The following HEATR6 variants were observed in gnomAD, a reference collection of about 807,000 sequenced individuals.
The protein encoded by HEATR6 is HEAT repeat-containing protein 6.
In HEATR6, 106 loss-of-function variants were observed where a neutral mutation model predicts 132.8. The ratio of observed to expected loss-of-function variants is 0.80; its 90% CI spans 0.68 to 0.94. The LOEUF is 0.94. Among genes scored for constraint, HEATR6 ranks in the 40% least tolerant of loss-of-function variants. HEATR6 has a pLI of 0.00. For synonymous variants in HEATR6, 529 were observed against 537.8 expected, an observed-to-expected ratio of 0.98 and a Z score of 0.23; for missense variants, 1,339 against 1,425.1, an observed-to-expected ratio of 0.94 and a Z score of 0.97.
chr17:60,067,462 C>T lies in HEATR6; in HGVS notation c.1210G>A (p.Ala404Thr), dbSNP rs1438291277. ...VSSSESDFSD[A>T]EGGMQSKMRS... ...ATTTTACTCTGCATGCCTCCTTCAG[C>T]ATCAGAAAAGTCTGACTCACTACTG... The change falls in exon 8 of 20, where the codon GCT (alanine) becomes ACT (threonine). Residue 404 changes from alanine to threonine, a missense_variant. Physicochemically the swap from Ala to Thr is moderately conservative, Grantham distance 58. Transcript: ENST00000184956. 3 of 1,562,856 alleles carry T rather than the reference C, an allele frequency of 1.9e-6. No homozygotes were observed. Among genetic ancestry groups the T allele is most frequent in the Non-Finnish European group, 2.6e-6 (3 of 1,159,084 alleles).
At chr17:60,074,881 T>C (rs777948943) in intron 2 of HEATR6, among the ~76,000 whole-genome samples, 24 of 152,130 alleles carry the variant, frequency 1.6e-4, no homozygotes, top group African/African-American at 5.1e-4. Flanking sequence ...ATATCAATAG[T>C]GCTGAGGTTG....
chr17:60,064,832 A>G (rs2083231751), intron 9 of HEATR6: 1 of 152,222 alleles, frequency 6.6e-6, no homozygotes, highest in Non-Finnish European at 1.5e-5. Flanking sequence ...AGATATAAAC[A>G]TCATGAAAAT....
Position 60,078,589 on chromosome 17 carries a change from T to A in HEATR6, c.219+107A>T, listed in dbSNP as rs1167198755. 15 of 865,228 alleles carry A rather than the reference T, an allele frequency of 1.7e-5. No homozygotes were observed. In the East Asian group the frequency reaches 3.5e-4, roughly 20 times the overall value. 53.6% of individuals were successfully genotyped at this position (865,228 alleles called of 1,614,324 possible). A position where few individuals can be genotyped will look rare whatever the true frequency, so the allele number is the denominator to read the frequency against. On this transcript the variant is annotated intron_variant, in intron 1 of 19. Coordinates refer to ENST00000184956, the MANE Select transcript of HEATR6 (RefSeq NM_022070.5). ...GGGGGCACGCCATCCTGAAACTAAA[T>A]CATCAGGCGCGAGAGTGGGAAGATC... is the stretch of plus-strand genomic sequence containing the variant.
Position 60,056,122 on chromosome 17 carries a change from C to G in HEATR6, c.2195G>C (p.Gly732Ala). Residue 732 changes from glycine (G) to alanine (A), a missense_variant, in exon 13 of 20, where the codon GGA becomes GCA. Coordinates refer to ENST00000184956, the MANE Select transcript of HEATR6 (RefSeq NM_022070.5). ...GEADPSIQLH[G>A]AKLLEELGTG... is the part of the protein sequence containing the mutation. ...GGTTTTGATGAAAATTACCTTTGCT[C>G]CATGAAGCTGAATGGATGGATCTGC... is the stretch of plus-strand genomic sequence containing the variant. 1 of 1,613,654 alleles carries G rather than the reference C, an allele frequency of 6.2e-7. No homozygotes were observed. The highest frequency in any genetic ancestry group is 8.5e-7 in the Non-Finnish European group (1 of 1,179,868).
At chr17:60,049,002 AT>A (rs1388591626) in intron 16 of HEATR6, among the ~76,000 whole-genome samples, 2 of 131,678 alleles carry the variant, frequency 1.5e-5, no homozygotes, top group East Asian at 2.2e-4. Flanking sequence ...ATATATATAT[AT>A]ATATATATAT....
At position 60,043,996 on chromosome 17, in the gene HEATR6, T is replaced by A; in HGVS notation, c.3113A>T (p.Gln1038Leu). ...CAATGCATTCCAGATCCGAGCATAC[T>A]GGTCAACAGACCCGTACTGCTCTCT... The part of the protein sequence containing the change: ...GKREQYGSVD[Q>L]YARIWNALVT... The change falls in exon 20 of 20, where the codon CAG becomes CTG. Residue 1038 changes from glutamine to leucine, a missense_variant. By Grantham distance (113) the Gln-to-Leu change is moderately radical. Coordinates refer to ENST00000184956, the MANE Select transcript of HEATR6 (RefSeq NM_022070.5). 1 of 1,614,174 alleles carries A rather than the reference T, an allele frequency of 6.2e-7. No individual in the cohort carries two copies.
At position 60,050,984 on chromosome 17, in the gene HEATR6, C is replaced by T. The variant is rs770672586; in HGVS notation, c.2290-7G>A. 90 of 1,613,678 alleles carry T rather than the reference C, an allele frequency of 5.6e-5. No homozygotes were observed. Among genetic ancestry groups the T allele is most frequent in the Middle Eastern group, 3.3e-4 (2 of 6,078 alleles). The stretch of plus-strand genomic sequence containing the variant: ...TAGTCCAGAACATCACCACCTGGAA[C>T]GGAGGCAAAGTAAAAGCTGCAGCCC... On this transcript the variant is annotated splice_polypyrimidine_tract_variant and splice_region_variant and intron_variant, in intron 14 of 19. Transcript: ENST00000184956.
At chr17:60,063,798 G>A (rs889206267) in intron 9 of HEATR6, 1 of 152,174 alleles carries the variant, frequency 6.6e-6, no homozygotes, top group Non-Finnish European at 1.5e-5. Flanking sequence ...GCACTTCAAT[G>A]ACAAGATAAA....
intron 14 of HEATR6, among the ~76,000 whole-genome samples, chr17:60,053,465 T>A (rs1906649470): frequency 6.6e-6 from 1 of 152,148 alleles, no homozygotes; most frequent in Admixed American, 6.5e-5. Context: ...CCTAAAAATG[T>A]GGAAGCAGCT....
At position 60,073,992 on chromosome 17, in the gene HEATR6, G is replaced by A. The variant is rs917734443; in HGVS notation, c.328-106C>T. 37 of 1,445,556 alleles carry A rather than the reference G, an allele frequency of 2.6e-5. No homozygotes were observed. The East Asian group carries it at 4.4e-4, about 17-fold the overall frequency. The allele number at this position is 1,445,556 out of a possible 1,614,324, so 89.5% of individuals were successfully genotyped here. On this transcript the variant is annotated intron_variant, in intron 2 of 19. Transcript: ENST00000184956. ...TCAAGCTGTATAAAAGAGAGAGTGT[G>A]TGTCTGTCGTTTATGTGTCAAAAGG... is the stretch of plus-strand genomic sequence containing the variant.
intron 9 of HEATR6, chr17:60,064,552 C>A (rs976161170): frequency 6.6e-6 from 1 of 151,908 alleles, no homozygotes; most frequent in African/African-American, 2.4e-5. Flanking sequence ...AATTTAATTT[C>A]TTTCATCTTT....
At chr17:60,047,144 G>T (rs1242903449) in intron 18 of HEATR6, among the ~76,000 whole-genome samples, 165 bp downstream of exon 18, 1 of 152,062 alleles carries the variant, frequency 6.6e-6, no homozygotes, top group Admixed American at 6.6e-5. Flanking sequence ...CCATACACGT[G>T]TGGAATGGGC....
intron 9 of HEATR6, among the ~76,000 whole-genome samples, chr17:60,060,748 T>C (rs1378760934): frequency 7.9e-5 from 12 of 152,204 alleles, no homozygotes. Flanking sequence ...ACATACTGCT[T>C]GGCAGACATC....
In HEATR6 at chr17:60,070,737, T is replaced by A; in HGVS notation, c.770A>T (p.Asp257Val). Residue 257 changes from aspartate (D) to valine (V), a missense_variant, in exon 6 of 20, where the codon GAT (aspartate) becomes GTT (valine). Physicochemically the swap from Asp to Val is radical, Grantham distance 152. Transcript: ENST00000184956. The part of the protein sequence containing the change: ...NGGRMKLTQT[D>V]ELGALLAVLK... ...CACAGCTAAAAGTGCTCCAAGTTCA[T>A]CAGTCTGTGTTAGTTTCATTCTCCC... The A allele has an allele frequency of 6.2e-7, 1 of 1,607,666 alleles. No homozygotes were observed. Among genetic ancestry groups the A allele is most frequent in the Non-Finnish European group, 8.5e-7 (1 of 1,174,160 alleles).
intron 15 of HEATR6, among the ~76,000 whole-genome samples, chr17:60,050,016 G>C (rs1198736145): frequency 2.0e-5 from 3 of 152,176 alleles, no homozygotes; most frequent in Non-Finnish European, 4.4e-5. Context: ...AAAGCAGTCT[G>C]AATACTGCTA....
At chr17:60,052,870 T>C (rs1043764930) in intron 14 of HEATR6, among the ~76,000 whole-genome samples, 1 of 152,074 alleles carries the variant, frequency 6.6e-6, no homozygotes, top group African/African-American at 2.4e-5. Context: ...GGGACACGGG[T>C]AACGGAATTA....
intron 12 of HEATR6, 129 bp from the exon 13 acceptor site, chr17:60,056,366 A>T (rs1290983350): frequency 2.6e-6 from 2 of 768,984 alleles, no homozygotes; most frequent in Non-Finnish European, 4.0e-6. Flanking sequence ...TGAAATTAAG[A>T]ACCATAATCT....
chr17:60,049,601 C>T lies in HEATR6; in HGVS notation c.2526G>A (p.Val842=). The T allele has an allele frequency of 6.2e-7, 1 of 1,613,832 alleles. No homozygotes were observed. The highest frequency in any genetic ancestry group is 8.5e-7 in the Non-Finnish European group (1 of 1,179,796). The change falls in exon 16 of 20, where the codon GTG becomes GTA. Residue 842 remains valine (V), a synonymous_variant. Coordinates refer to ENST00000184956, the MANE Select transcript of HEATR6 (RefSeq NM_022070.5). ...TGACCTGTCTGAGACAGGGAAAAAG[C>T]ACATAGACTCCCAGGGCCCGTGAAG... The part of the protein sequence containing the change: ...AATSRALGVY[V]LFPCLRQDVI...
chr17:60,060,320 C>A (rs544331669), intron 9 of HEATR6, among the ~76,000 whole-genome samples: 25 of 152,194 alleles, frequency 1.6e-4, no homozygotes, highest in African/African-American at 5.8e-4. Context: ...CGCTCTGTCA[C>A]CTAGGCTGCA....
Sources: allele counts gnomAD v4.1 joint callset (sites outside exome capture counted in the v4.1 genomes callset), GRCh38; gene constraint gnomAD v4.1.1; transcripts MANE v1.5; gene names NCBI Gene and HGNC (gene_info 2026-07-23, HGNC 2026-07-21).